PIR: variants seen among roughly 807,000 people sequenced by gnomAD.
The protein encoded by PIR is pirin (iron-binding nuclear protein).
Under a neutral mutation model 24.2 loss-of-function variants are expected in PIR, and 22 were observed. The observed-to-expected ratio is 0.91, with a 90% CI of 0.65 to 1.30. The LOEUF is 1.30. PIR is among the 50% of genes most tolerant of loss of function. The pLI, the probability that PIR is intolerant of heterozygous loss-of-function variation, is 0.00. For synonymous variants in PIR, 80 were observed against 79.6 expected, an observed-to-expected ratio of 1.00 and a Z score of -0.03; for missense variants, 220 against 220.3, an observed-to-expected ratio of 1.00 and a Z score of 0.01.
At chrX:15,423,726 T>C (rs1925213258) in intron 6 of PIR, among the ~76,000 whole-genome samples, 2 of 111,591 alleles carry the variant, frequency 1.8e-5, no homozygotes, top group South Asian at 7.5e-4. Context: ...AACAATTCAA[T>C]AGCAAAAAGA....
At chrX:15,449,259 T>C (rs73451229) in intron 5 of PIR, among the ~76,000 whole-genome samples, 1,583 of 111,754 alleles carry the variant, frequency 0.014, 27 homozygotes, top group African/African-American at 0.048. Context: ...TCTTTCTCCC[T>C]AAAATGCTCT....
At chrX:15,427,860 CAT>C (rs59887338) in intron 5 of PIR, among the ~76,000 whole-genome samples, 4,237 of 107,901 alleles carry the variant, frequency 0.039, 223 homozygotes, top group African/African-American at 0.13. Flanking sequence ...TGTATGTATA[CAT>C]ATATATATAT....
chrX:15,483,296 C>T (rs1265060388), intron 2 of PIR, among the ~76,000 whole-genome samples: 1 of 110,084 alleles, frequency 9.1e-6, no homozygotes, highest in Non-Finnish European at 1.9e-5. Flanking sequence ...CCTGGTGTTT[C>T]ATCCAGTCCA....
chrX:15,397,339 T>C (rs894586050), intron 8 of PIR, 110 bp downstream of exon 8: 43 of 538,521 alleles, frequency 8.0e-5, no homozygotes, highest in Non-Finnish European at 1.4e-4. Flanking sequence ...GTATAATTTC[T>C]TCTCCAAGGA....
chrX:15,482,522 T>C (rs186366276), intron 2 of PIR, among the ~76,000 whole-genome samples: 1 of 111,992 alleles, frequency 8.9e-6, no homozygotes, highest in Non-Finnish European at 1.9e-5. Context: ...CTTATATGAT[T>C]TTTTCTCCTT....
At chrX:15,425,846 G>A in intron 6 of PIR, 60 bp downstream of exon 6, 1 of 681,061 alleles carries the variant, frequency 1.5e-6, no homozygotes, top group South Asian at 2.5e-5. Flanking sequence ...GCCTCTTGTT[G>A]GTTTTTTCTT....
intron 3 of PIR, among the ~76,000 whole-genome samples, chrX:15,477,507 A>G (rs929011366): frequency 6.3e-5 from 7 of 111,930 alleles, no homozygotes; most frequent in Non-Finnish European, 1.1e-4. Flanking sequence ...ATTAATTAAC[A>G]TTGAACTCTA....
chrX:15,457,245 T>C (rs750393459), intron 4 of PIR, among the ~76,000 whole-genome samples: 12 of 111,495 alleles, frequency 1.1e-4, no homozygotes, highest in African/African-American at 3.6e-4. Context: ...GAGTGTTAAA[T>C]CACTGACACA....
chrX:15,416,701 T>G (rs2147023281), intron 6 of PIR, among the ~76,000 whole-genome samples: 1 of 111,396 alleles, frequency 9.0e-6, no homozygotes, highest in East Asian at 2.8e-4. Context: ...TGAGATTAGG[T>G]TACATAAAGT....
chrX:15,438,355 T>A (rs914464077), intron 5 of PIR, among the ~76,000 whole-genome samples: 1 of 112,110 alleles, frequency 8.9e-6, no homozygotes, highest in Admixed American at 9.4e-5. Context: ...GCCTTTTCAG[T>A]CTTTAAAAGT....
At chrX:15,451,120 G>A (rs1381716005) in intron 5 of PIR, among the ~76,000 whole-genome samples, 1 of 111,818 alleles carries the variant, frequency 8.9e-6, no homozygotes, top group East Asian at 2.8e-4. Context: ...AGAATTGCCC[G>A]AGGGACATGG....
At chrX:15,451,690 G>C (rs1283730193) in intron 5 of PIR, among the ~76,000 whole-genome samples, 16 of 112,039 alleles carry the variant, frequency 1.4e-4, no homozygotes, top group African/African-American at 5.2e-4. Flanking sequence ...CCGGTGCTAA[G>C]TGCACAGTGG....
intron 7 of PIR, among the ~76,000 whole-genome samples, chrX:15,405,665 A>G (rs1326158077): frequency 8.9e-6 from 1 of 112,450 alleles, no homozygotes; most frequent in Non-Finnish European, 1.9e-5. Context: ...ATAAAGCACT[A>G]TGTTTTTCTC....
intron 2 of PIR, among the ~76,000 whole-genome samples, chrX:15,488,969 A>C (rs1428830342): frequency 8.9e-6 from 1 of 111,799 alleles, no homozygotes; most frequent in Non-Finnish European, 1.9e-5. Context: ...AACCATTTCA[A>C]GAGTACAGTT....
At chrX:15,385,202 A>T in intron 9 of PIR, 86 bp from the exon 10 acceptor site, 2 of 454,536 alleles carry the variant, frequency 4.4e-6, no homozygotes, top group Non-Finnish European at 7.5e-6. Context: ...TGTAGTTCTT[A>T]ATTTAAAACA....
chrX:15,466,404 G>T (rs1233708268), intron 3 of PIR, among the ~76,000 whole-genome samples: 3 of 111,554 alleles, frequency 2.7e-5, no homozygotes, highest in Non-Finnish European at 5.7e-5. Flanking sequence ...ACATTTCCCT[G>T]CCACCACCCT....
chrX:15,460,367 G>T (rs1921251256), intron 3 of PIR, among the ~76,000 whole-genome samples: 1 of 111,727 alleles, frequency 9.0e-6, no homozygotes, highest in South Asian at 3.7e-4. Flanking sequence ...CCAATAAATA[G>T]ATAATGTGGT....
intron 6 of PIR, among the ~76,000 whole-genome samples, chrX:15,417,522 G>A (rs1206038809): frequency 1.8e-5 from 2 of 111,082 alleles, no homozygotes; most frequent in Non-Finnish European, 3.8e-5. Context: ...AAATATATTG[G>A]TGTATCAGTT....
At chrX:15,444,124 C>T (rs747143039) in intron 5 of PIR, among the ~76,000 whole-genome samples, 2 of 111,856 alleles carry the variant, frequency 1.8e-5, no homozygotes, top group Non-Finnish European at 3.8e-5. Context: ...TTACACGCTA[C>T]AGAGAAATAT....
Sources: gnomAD v4.1 joint callset for allele counts (sites outside exome capture counted in the v4.1 genomes callset) on GRCh38, gnomAD v4.1.1 for gene constraint, MANE v1.5 for transcripts, NCBI Gene and HGNC (gene_info 2026-07-23, HGNC 2026-07-21) for gene names.